C12orf56: variants seen among roughly 807,000 people sequenced by gnomAD.
C12orf56 encodes uncharacterized protein C12orf56.
Under a neutral mutation model 69.9 loss-of-function variants are expected in C12orf56, and 71 were observed. That is an observed-to-expected ratio of 1.02 (90% confidence interval 0.84 to 1.24). The LOEUF is 1.24. C12orf56 is among the 50% of genes most tolerant of loss of function. The pLI is 0.00. For missense variants in C12orf56, 732 were observed against 738.5 expected, an observed-to-expected ratio of 0.99 and a Z score of 0.10; for synonymous variants, 276 against 274.1, an observed-to-expected ratio of 1.01 and a Z score of -0.07.
intron 1 of C12orf56, among the ~76,000 whole-genome samples, chr12:64,370,644 C>CA (rs536224192): frequency 1.6e-4 from 24 of 146,606 alleles, no homozygotes; most frequent in East Asian, 9.9e-4. Context: ...GACTGTGTCT[C>CA]AAAAAAAAAG....
chr12:64,266,992 A>G lies in C12orf56; in HGVS notation c.*191T>C. On this transcript the variant is annotated 3_prime_UTR_variant, in exon 13 of 13. Transcript: ENST00000543942. ...AAAGATCTTTGCACACTTATAATAAATCAAATTTATTTTTTAAAATTTTAA... is the reference window on the plus strand; with the variant it reads ...AAAGATCTTTGCACACTTATAATAAGTCAAATTTATTTTTTAAAATTTTAA... The G allele has an allele frequency of 1.9e-6, 1 of 516,820 alleles. No homozygotes were observed. The highest frequency in any genetic ancestry group is 3.2e-5 in the South Asian group (1 of 31,370). 32.0% of individuals were successfully genotyped at this position (516,820 alleles called of 1,614,324 possible). A position where few individuals can be genotyped will look rare whatever the true frequency, so the allele number is the denominator to read the frequency against.
At chr12:64,309,589 C>CA (rs892049665) in intron 5 of C12orf56, among the ~76,000 whole-genome samples, 2 of 152,188 alleles carry the variant, frequency 1.3e-5, no homozygotes, top group Admixed American at 1.3e-4. Context: ...CAGCTCACTG[C>CA]AGCCTCTGCC....
chr12:64,269,139 C>CAG (rs2037949823), intron 12 of C12orf56, among the ~76,000 whole-genome samples: 1 of 142,022 alleles, frequency 7.0e-6, no homozygotes. Flanking sequence ...GACCCTGTGT[C>CAG]AAAAAAAAAA....
chr12:64,342,261 C>A (rs1490259268), intron 2 of C12orf56, among the ~76,000 whole-genome samples: 1 of 152,214 alleles, frequency 6.6e-6, no homozygotes, highest in African/African-American at 2.4e-5. Context: ...GTACATCTGG[C>A]CATTTCTCCT....
Position 64,331,048 on chromosome 12 carries a change from G to T in C12orf56, c.416-16C>A. ...TCTTCCTTGACTTAAAAAAAAAATAGTTATTTGGTCATTAATTAAATAATT... is the reference window on the plus strand; with the variant it reads ...TCTTCCTTGACTTAAAAAAAAAATATTTATTTGGTCATTAATTAAATAATT... On this transcript the variant is annotated splice_polypyrimidine_tract_variant and intron_variant, in intron 2 of 12. Coordinates refer to ENST00000543942, the MANE Select transcript of C12orf56 (RefSeq NM_001170633.2). 1.4e-6 allele frequency: 2 copies of T among 1,438,466 alleles called. No individual in the cohort carries two copies. The highest frequency in any genetic ancestry group is 1.9e-6 in the Non-Finnish European group (2 of 1,053,784). 89.1% of individuals were successfully genotyped at this position (1,438,466 alleles called of 1,614,324 possible).
intron 1 of C12orf56, among the ~76,000 whole-genome samples, chr12:64,388,107 T>C (rs997167525): frequency 1.5e-4 from 23 of 152,244 alleles, no homozygotes; most frequent in African/African-American, 4.3e-4. Context: ...GCAGCTGAGA[T>C]AACAGGCATG....
chr12:64,283,089 C>T (rs2038153226), intron 8 of C12orf56, among the ~76,000 whole-genome samples: 1 of 151,788 alleles, frequency 6.6e-6, no homozygotes, highest in Non-Finnish European at 1.5e-5. Flanking sequence ...TTGCCATGAG[C>T]CAAGATTGTG....
intron 2 of C12orf56, among the ~76,000 whole-genome samples, chr12:64,352,644 A>C (rs1244552937): frequency 1.3e-5 from 2 of 152,184 alleles, no homozygotes; most frequent in Non-Finnish European, 2.9e-5. Flanking sequence ...TGCATGTGGC[A>C]GACTGATATT....
intron 2 of C12orf56, among the ~76,000 whole-genome samples, chr12:64,332,915 A>T (rs180730157): frequency 1.1e-3 from 160 of 152,316 alleles, no homozygotes; most frequent in African/African-American, 3.6e-3. Flanking sequence ...GGAGACTCCA[A>T]AATCTTCCAA....
intron 2 of C12orf56, among the ~76,000 whole-genome samples, chr12:64,350,771 A>G (rs2039211782): frequency 6.6e-6 from 1 of 152,198 alleles, no homozygotes; most frequent in Non-Finnish European, 1.5e-5. Context: ...GTTTCATCAA[A>G]ACCAATCTAA....
chr12:64,317,821 A>T (rs535433380), intron 4 of C12orf56, among the ~76,000 whole-genome samples: 1 of 152,268 alleles, frequency 6.6e-6, no homozygotes, highest in South Asian at 2.1e-4. Context: ...GACTTAACCT[A>T]GTGATTTCTA....
At chr12:64,271,886 G>A (rs80123571) in intron 11 of C12orf56, among the ~76,000 whole-genome samples, 307 of 152,272 alleles carry the variant, frequency 2.0e-3, no homozygotes, top group African/African-American at 7.1e-3. Context: ...AATGATCCCA[G>A]TTTCTTTGCT....
chr12:64,313,849 C>A (rs2038655134), intron 4 of C12orf56, among the ~76,000 whole-genome samples: 1 of 151,342 alleles, frequency 6.6e-6, no homozygotes, highest in South Asian at 2.1e-4. Context: ...TCGAGACAAG[C>A]CTGGTCAACA....
At chr12:64,386,398 A>ATATAT (rs752756817) in intron 1 of C12orf56, among the ~76,000 whole-genome samples, 14 of 87,350 alleles carry the variant, frequency 1.6e-4, no homozygotes, top group East Asian at 6.4e-4. Flanking sequence ...ATATATATAT[A>ATATAT]TTTTTTTTTT....
intron 1 of C12orf56, among the ~76,000 whole-genome samples, chr12:64,370,651 A>G (rs2039558571): frequency 1.3e-5 from 2 of 152,162 alleles, no homozygotes; most frequent in African/African-American, 4.8e-5. Flanking sequence ...TCTCAAAAAA[A>G]AAGAAAGATA....
chr12:64,354,045 A>C (rs553010917), intron 1 of C12orf56, among the ~76,000 whole-genome samples: 2 of 152,244 alleles, frequency 1.3e-5, no homozygotes, highest in African/African-American at 4.8e-5. Flanking sequence ...TTGATTTTAC[A>C]CTAAGATTTT....
At chr12:64,303,839 A>T (rs987416332) in intron 5 of C12orf56, 60 bp from the exon 6 acceptor site, 1 of 1,492,490 alleles carries the variant, frequency 6.7e-7, no homozygotes, top group African/African-American at 1.4e-5. Context: ...CAGTTTAGGA[A>T]TATCAATGAT....
At chr12:64,310,839 G>A (rs930810339) in intron 5 of C12orf56, among the ~76,000 whole-genome samples, 7 of 151,800 alleles carry the variant, frequency 4.6e-5, no homozygotes, top group African/African-American at 2.4e-5. Flanking sequence ...GTTTACATTA[G>A]GTATATTTCC....
In C12orf56 at chr12:64,390,739, G is replaced by T; in HGVS notation, c.-174C>A. ...GAATCGACGCTAGGTCGGCTTCCCT[G>T]GAGCGCCCTCCCCAGCCCTGTCCAG... On this transcript the variant is annotated 5_prime_UTR_variant, in exon 1 of 13. Transcript: ENST00000543942. 2.2e-6 allele frequency: 2 copies of T among 912,794 alleles called. No homozygotes were observed. Among genetic ancestry groups the T allele is most frequent in the Non-Finnish European group, 3.0e-6 (2 of 657,938 alleles). 56.5% of individuals were successfully genotyped at this position (912,794 alleles called of 1,614,324 possible). A position where few individuals can be genotyped will look rare whatever the true frequency, so the allele number is the denominator to read the frequency against.
Sources: allele counts gnomAD v4.1 joint callset (sites outside exome capture counted in the v4.1 genomes callset), GRCh38; gene constraint gnomAD v4.1.1; transcripts MANE v1.5; gene names NCBI Gene and HGNC (gene_info 2026-07-23, HGNC 2026-07-21).